Variants in TMPRSS13 observed in about 807,000 individuals in gnomAD.
The protein encoded by TMPRSS13 is transmembrane protease serine 13.
TMPRSS13 carries 50 observed loss-of-function variants against 68.4 expected under a neutral mutation model. That is an observed-to-expected ratio of 0.73 (90% CI 0.58 to 0.93). The LOEUF is 0.93. TMPRSS13 is among the 40% of genes least tolerant of loss of function. The probability of loss-of-function intolerance (pLI) is 0.00; values close to 1 mark genes in which losing one functional copy is unlikely to be tolerated. For missense variants in TMPRSS13, 615 were observed against 729.2 expected, an observed-to-expected ratio of 0.84 and a Z score of 1.80; for synonymous variants, 267 against 285.8, an observed-to-expected ratio of 0.93 and a Z score of 0.66.
intron 5 of TMPRSS13, among the ~76,000 whole-genome samples, chr11:117,912,152 T>C (rs2057529749): frequency 6.6e-6 from 1 of 152,184 alleles, no homozygotes; most frequent in Admixed American, 6.5e-5. Context: ...TGGGAAGTTA[T>C]TAATATTAGC....
chr11:117,924,875 G>A (rs953053097), intron 1 of TMPRSS13, among the ~76,000 whole-genome samples: 8 of 152,070 alleles, frequency 5.3e-5, no homozygotes, highest in Non-Finnish European at 1.0e-4. Context: ...CAGCACACAC[G>A]CAGTATACAG....
rs750286931 is a variant in TMPRSS13 at position 117,917,322 on chromosome 11, G to C, written c.452-48C>G. On this transcript the variant is annotated intron_variant, in intron 2 of 12. Transcript: ENST00000524993. The stretch of plus-strand genomic sequence containing the variant: ...GGAATATGAGGCTGGAGAGGAGTCC[G>C]ACGAGATGGAGAGGGTGGGGGAAAC... 12 of 1,449,440 alleles carry C rather than the reference G, an allele frequency of 8.3e-6. No homozygotes were observed. In the South Asian group the frequency reaches 1.2e-4, roughly 14 times the overall value. The allele number at this position is 1,449,440 out of a possible 1,614,324, so 89.8% of individuals were successfully genotyped here.
intron 1 of TMPRSS13, among the ~76,000 whole-genome samples, chr11:117,927,304 T>C (rs971105571): frequency 2.0e-5 from 3 of 152,248 alleles, no homozygotes; most frequent in African/African-American, 7.2e-5. Context: ...TCAATTAAAC[T>C]CTGTTAAATT....
At chr11:117,907,791 C>T (rs577940731) in intron 9 of TMPRSS13, 2 of 985,328 alleles carry the variant, frequency 2.0e-6, no homozygotes, top group African/African-American at 3.5e-5. Flanking sequence ...TATAATTGGC[C>T]TCTACTGGTC....
Position 117,917,260 on chromosome 11 carries a change from T to C in TMPRSS13, c.466A>G (p.Lys156Glu). The C allele has an allele frequency of 6.2e-7, 1 of 1,612,316 alleles. No homozygotes were observed. The highest frequency in any genetic ancestry group is 8.5e-7 in the Non-Finnish European group (1 of 1,179,930). The change falls in exon 3 of 13, where the codon AAG becomes GAG. Residue 156 changes from lysine to glutamate, a missense_variant. Physicochemically the swap from Lys to Glu is moderately conservative, Grantham distance 56. Transcript: ENST00000524993. ...TRESPGTSLP[K>E]FTWREGQKQL... is the part of the protein sequence containing the mutation. ...TTCTGGCCCTCCCGCCAGGTGAACTTGGGCAGGCTCGTACCTAGGAGCAGG... is the reference window on the plus strand; with the variant it reads ...TTCTGGCCCTCCCGCCAGGTGAACTCGGGCAGGCTCGTACCTAGGAGCAGG...
rs1478643976 is a variant in TMPRSS13 at position 117,918,661 on chromosome 11, C to T, written c.199G>A (p.Gly67Ser). Residue 67 changes from glycine (G) to serine (S), a missense_variant, in exon 2 of 13, where the codon GGC (glycine) becomes AGC (serine). Physicochemically the swap from Gly to Ser is moderately conservative, Grantham distance 56. Transcript: ENST00000524993. Reference sequence around the variant, plus strand: ...GATGCCCGGCCTGGAGATGCCCGGCCTGGAGGTGTACCAGCTGGAGATGCC... The same window carrying T: ...GATGCCCGGCCTGGAGATGCCCGGCTTGGAGGTGTACCAGCTGGAGATGCC... ...AQASPAGTPP[G>S]RASPGRASPA... The T allele has an allele frequency of 6.3e-7, 1 of 1,593,408 alleles. No individual in the cohort carries two copies. The highest frequency in any genetic ancestry group is 1.4e-5 in the African/African-American group (1 of 73,916).
chr11:117,923,813 A>G (rs2057670643), intron 1 of TMPRSS13, among the ~76,000 whole-genome samples: 1 of 145,788 alleles, frequency 6.9e-6, no homozygotes. Context: ...GTGCACATGT[A>G]CCCTAGAACT....
Position 117,903,967 on chromosome 11 carries a change from A to T in TMPRSS13, c.1516T>A (p.Ser506Thr). 1 of 1,611,940 alleles carries T rather than the reference A, an allele frequency of 6.2e-7. No individual in the cohort carries two copies. The highest frequency in any genetic ancestry group is 1.6e-4 in the Middle Eastern group (1 of 6,062). ...CCCACAGGTACCCTCACCTGGCAGG[A>T]GTCTCTGCCCCCACGAAGGTCCCCA... ...CAGDLRGGRD[S>T]CQGDSGGPLV... Residue 506 changes from serine (S) to threonine (T), a missense_variant, in exon 11 of 13, where the codon TCC becomes ACC. Physicochemically the swap from Ser to Thr is moderately conservative, Grantham distance 58. Coordinates refer to ENST00000524993, the MANE Select transcript of TMPRSS13 (RefSeq NM_001077263.3).
chr11:117,926,384 C>A (rs1488435059), intron 1 of TMPRSS13, among the ~76,000 whole-genome samples: 1 of 152,156 alleles, frequency 6.6e-6, no homozygotes, highest in Non-Finnish European at 1.5e-5. Context: ...CGCGGGTGAG[C>A]CATCTCAGGA....
rs1397117621 is a variant in TMPRSS13, at chr11:117,915,815, T to A, written c.557-1301A>T. ...GCCATCTCGCCCCTCCATGGGTTAGTCCTGTGGCTTTCATGGAGCAGGGTG... is the reference window on the plus strand; with the variant it reads ...GCCATCTCGCCCCTCCATGGGTTAGACCTGTGGCTTTCATGGAGCAGGGTG... On this transcript the variant is annotated intron_variant, in intron 3 of 12. Transcript: ENST00000524993. The surrounding 1 kb of genome is among the most constrained non-coding windows in gnomAD (Gnocchi z 4.9). 1.3e-5 allele frequency among the ~76,000 whole-genome samples: 2 copies of A among 152,136 alleles called. No individual in the cohort carries two copies. Among genetic ancestry groups the A allele is most frequent in the African/African-American group, 4.8e-5 (2 of 41,400 alleles).
chr11:117,924,982 C>A (rs2057690445), intron 1 of TMPRSS13, among the ~76,000 whole-genome samples: 1 of 152,226 alleles, frequency 6.6e-6, no homozygotes, highest in South Asian at 2.1e-4. Context: ...GCACGGGGAG[C>A]CTCGCTTCTG....
Position 117,902,124 on chromosome 11 carries a change from G to T in TMPRSS13, c.*115C>A. The T allele has an allele frequency of 9.0e-7, 1 of 1,115,820 alleles. No individual in the cohort carries two copies. The highest frequency in any genetic ancestry group is 1.3e-6 in the Non-Finnish European group (1 of 753,938). 69.1% of individuals were successfully genotyped at this position (1,115,820 alleles called of 1,614,324 possible). On this transcript the variant is annotated 3_prime_UTR_variant, in exon 13 of 13. Transcript: ENST00000524993. ...CACACAGAGGCAGCAGACAGTGGAG[G>T]TGGGAGTCCGATGGTGCCCGGTGGC... is the stretch of plus-strand genomic sequence containing the variant.
Position 117,901,959 on chromosome 11 carries a change from C to T in TMPRSS13, c.*280G>A. 3.8e-6 allele frequency: 2 copies of T among 522,474 alleles called. No individual in the cohort carries two copies. Among genetic ancestry groups the T allele is most frequent in the Non-Finnish European group, 3.4e-6 (1 of 289,918 alleles). 32.4% of individuals were successfully genotyped at this position (522,474 alleles called of 1,614,324 possible). ...CCATCTATGGACACTCCTGTAGGAA[C>T]ATCCACGGTACTCAACTCTTGTCTC... is the stretch of plus-strand genomic sequence containing the variant. On this transcript the variant is annotated 3_prime_UTR_variant, in exon 13 of 13. Coordinates refer to ENST00000524993, the MANE Select transcript of TMPRSS13 (RefSeq NM_001077263.3).
chr11:117,915,867 C>T lies in TMPRSS13; in HGVS notation c.556+1303G>A, dbSNP rs959106267. Among the ~76,000 whole-genome samples the T allele has an allele frequency of 5.9e-5, 9 of 152,124 alleles. No individual in the cohort carries two copies. Among genetic ancestry groups the T allele is most frequent in the East Asian group, 3.9e-4 (2 of 5,190 alleles). ...CCTGTAGTGGGAAAGGGAGGGAGGGCAGGGCAGCAAGTCACAGCAGGCACC... is the reference window on the plus strand; with the variant it reads ...CCTGTAGTGGGAAAGGGAGGGAGGGTAGGGCAGCAAGTCACAGCAGGCACC... On this transcript the variant is annotated intron_variant, in intron 3 of 12. Coordinates refer to ENST00000524993, the MANE Select transcript of TMPRSS13 (RefSeq NM_001077263.3). The surrounding 1 kb of genome is among the most constrained non-coding windows in gnomAD (Gnocchi z 4.9).
intron 1 of TMPRSS13, among the ~76,000 whole-genome samples, chr11:117,928,235 T>A (rs2057725641): frequency 6.6e-6 from 1 of 152,114 alleles, no homozygotes; most frequent in South Asian, 2.1e-4. Context: ...CCCCAAGGCC[T>A]AGGGCCAAGT....
intron 1 of TMPRSS13, among the ~76,000 whole-genome samples, chr11:117,923,976 C>G (rs1019479865): frequency 6.6e-6 from 1 of 151,936 alleles, no homozygotes; most frequent in Non-Finnish European, 1.5e-5. Context: ...CCCTCCTCAG[C>G]CCTGGGCCAT....
chr11:117,920,279 G>A (rs985860052), intron 1 of TMPRSS13, among the ~76,000 whole-genome samples: 32 of 152,130 alleles, frequency 2.1e-4, no homozygotes, highest in African/African-American at 6.3e-4. Flanking sequence ...CCTGTAAAAC[G>A]CCCAATACAC....
In TMPRSS13 at chr11:117,903,792, GC is replaced by G. The variant is rs779722081; in HGVS notation, c.1539del (p.Pro514LeufsTer34). The G allele has an allele frequency of 1.9e-6, 3 of 1,610,648 alleles. No homozygotes were observed. The highest frequency in any genetic ancestry group is 2.2e-5 in the East Asian group (1 of 44,804). On this transcript the variant is annotated frameshift_variant, in exon 12 of 13. Transcript: ENST00000524993. LOFTEE classifies it high-confidence loss of function. The part of the protein sequence containing the change: ...GRDSCQGDSG[G>X]PLVCEQNNRW... ...CGGTTGTTCTGCTCACAGACAAGAG[GC>G]CCCCCGCTGTCTCCCTGCAGGGGAG... is the stretch of plus-strand genomic sequence containing the variant.
rs1452562163 is a variant in TMPRSS13, at chr11:117,918,544, A to T, written c.316T>A (p.Ser106Thr). The change falls in exon 2 of 13, where the codon TCC (serine) becomes ACC (threonine). Residue 106 changes from serine to threonine, a missense_variant. Physicochemically the swap from Ser to Thr is moderately conservative, Grantham distance 58. Coordinates refer to ENST00000524993, the MANE Select transcript of TMPRSS13 (RefSeq NM_001077263.3). ...GTTGTCACCGAGGCTGACCTGGCGG[A>T]TGATGACCTGCCGGATGAGGACCTG... is the stretch of plus-strand genomic sequence containing the variant. ...LSRSSSGRSS[S>T]ARSASVTTSP... 1.9e-6 allele frequency: 3 copies of T among 1,614,036 alleles called. No homozygotes were observed. Among genetic ancestry groups the T allele is most frequent in the Non-Finnish European group, 8.5e-7 (1 of 1,180,026 alleles).
Sources: allele counts gnomAD v4.1 joint callset (sites outside exome capture counted in the v4.1 genomes callset), GRCh38; gene constraint gnomAD v4.1.1; non-coding constraint Gnocchi (gnomAD v3.1); transcripts MANE v1.5; gene names NCBI Gene and HGNC (gene_info 2026-07-23, HGNC 2026-07-21).